The following PLD5 variants were observed in gnomAD, a reference collection of about 807,000 sequenced individuals.
PLD5 encodes phospholipase D family member 5.
A neutral mutation model predicts 61.1 loss-of-function variants in PLD5; 36 were observed. That is an observed-to-expected ratio of 0.59 (90% CI 0.45 to 0.78). The LOEUF (loss-of-function observed/expected upper bound fraction) is 0.78. Ranked by LOEUF, PLD5 falls within the 30% of genes least tolerant of loss-of-function variation. PLD5 has a pLI of 0.00. For missense variants in PLD5, 515 were observed against 644.4 expected (o/e 0.80, Z 2.17); for synonymous variants, 243 against 242.8 (o/e 1.00, Z -0.01).
At chr1:242,204,685 C>T (rs948711860) in intron 5 of PLD5, among the ~76,000 whole-genome samples, 3 of 152,180 alleles carry the variant, frequency 2.0e-5, no homozygotes, top group African/African-American at 7.2e-5. Flanking sequence ...CTGTTTTAGC[C>T]TCCCATTTGG....
intron 2 of PLD5, among the ~76,000 whole-genome samples, chr1:242,306,780 CA>C (rs1378871955): frequency 1.2e-4 from 4 of 33,924 alleles, no homozygotes; most frequent in African/African-American, 3.2e-4. Context: ...CACACACACA[CA>C]CACACACACA....
chr1:242,413,805 T>C (rs1280925701), intron 1 of PLD5, among the ~76,000 whole-genome samples: 1 of 152,146 alleles, frequency 6.6e-6, no homozygotes, highest in African/African-American at 2.4e-5. Context: ...CTGAAGCAGT[T>C]TGGAGCCTTG....
At chr1:242,309,527 T>A (rs1340308941) in intron 2 of PLD5, among the ~76,000 whole-genome samples, 1 of 151,584 alleles carries the variant, frequency 6.6e-6, no homozygotes, top group African/African-American at 2.4e-5. Context: ...GTGCATGCCA[T>A]CACGCCCAGC....
intron 1 of PLD5, among the ~76,000 whole-genome samples, chr1:242,425,996 C>T (rs1211060752): frequency 6.6e-6 from 1 of 152,104 alleles, no homozygotes; most frequent in African/African-American, 2.4e-5. Context: ...AACTTTGACT[C>T]TTGTATTAAC....
intron 4 of PLD5, among the ~76,000 whole-genome samples, chr1:242,231,847 T>A (rs1671323558): frequency 6.8e-6 from 1 of 147,398 alleles, no homozygotes; most frequent in Admixed American, 6.9e-5. Context: ...TTGAAATGAC[T>A]AAAAAACTAA....
chr1:242,167,118 ATAG>A (rs1558297313), intron 5 of PLD5, among the ~76,000 whole-genome samples: 4 of 145,650 alleles, frequency 2.7e-5, no homozygotes, highest in Non-Finnish European at 4.5e-5. Flanking sequence ...ATAATAATAA[ATAG>A]TAGCCATGTT....
chr1:242,446,963 C>T (rs1666568042), intron 1 of PLD5, among the ~76,000 whole-genome samples: 1 of 152,100 alleles, frequency 6.6e-6, no homozygotes, highest in African/African-American at 2.4e-5. Context: ...AGCTGTGTGC[C>T]CTTCAGAAAG....
intron 2 of PLD5, among the ~76,000 whole-genome samples, chr1:242,294,353 C>G (rs1467250688): frequency 6.6e-6 from 1 of 152,158 alleles, no homozygotes; most frequent in Non-Finnish European, 1.5e-5. Context: ...ATTCTCCAAA[C>G]TTAATGTGAT....
intron 2 of PLD5, among the ~76,000 whole-genome samples, chr1:242,315,793 T>A (rs771152270): frequency 1.3e-5 from 2 of 152,164 alleles, no homozygotes; most frequent in African/African-American, 2.4e-5. Context: ...CTCTGCTGCA[T>A]TCTGGTTGGG....
chr1:242,395,219 A>G lies in PLD5; in HGVS notation c.190-46977T>C, dbSNP rs191983796. ...TATAGAAATCAAAATTCATTTTTAA[A>G]GTTTTACTTCATAGGCAGCAAGTAG... On this transcript the variant is annotated intron_variant, in intron 1 of 9. Transcript: ENST00000536534. Among the ~76,000 whole-genome samples the G allele has an allele frequency of 9.2e-5, 14 of 151,980 alleles. No individual in the cohort carries two copies. The East Asian group carries it at 2.5e-3, about 27-fold the overall frequency.
At chr1:242,227,325 T>C (rs928383626) in intron 4 of PLD5, among the ~76,000 whole-genome samples, 10 of 151,934 alleles carry the variant, frequency 6.6e-5, no homozygotes, top group African/African-American at 2.4e-4. Flanking sequence ...GCTGGGACTA[T>C]AGGCATAAGC....
chr1:242,272,068 A>C (rs1674122497), intron 3 of PLD5, among the ~76,000 whole-genome samples: 1 of 152,200 alleles, frequency 6.6e-6, no homozygotes, highest in African/African-American at 2.4e-5. Flanking sequence ...GATAATAATA[A>C]AAAACAGGTT....
chr1:242,293,424 G>A (rs951744647), intron 2 of PLD5, among the ~76,000 whole-genome samples: 4 of 152,134 alleles, frequency 2.6e-5, no homozygotes, highest in African/African-American at 9.7e-5. Flanking sequence ...GAGAGACCAC[G>A]TTCACATAAC....
At chr1:242,207,068 T>C (rs1403985029) in intron 5 of PLD5, among the ~76,000 whole-genome samples, 1 of 152,148 alleles carries the variant, frequency 6.6e-6, no homozygotes, top group Non-Finnish European at 1.5e-5. Context: ...TCCACTTCAA[T>C]TGATTGGATG....
intron 5 of PLD5, among the ~76,000 whole-genome samples, chr1:242,154,994 A>G (rs535407456): frequency 6.6e-6 from 1 of 152,270 alleles, no homozygotes; most frequent in South Asian, 2.1e-4. Context: ...TTTGGTGGGT[A>G]GGCTATTAAT....
chr1:242,475,417 C>A, intron 1 of PLD5, among the ~76,000 whole-genome samples: 1 of 99,302 alleles, frequency 1.0e-5, no homozygotes, highest in Non-Finnish European at 1.9e-5. Context: ...AGCGAGACTC[C>A]GTCTCAAAAA....
At chr1:242,273,615 G>A (rs1674240189) in intron 3 of PLD5, among the ~76,000 whole-genome samples, 1 of 152,172 alleles carries the variant, frequency 6.6e-6, no homozygotes, top group Non-Finnish European at 1.5e-5. Context: ...CAAAGATAGT[G>A]CATCTGAATC....
At chr1:242,472,971 C>T (rs1202225149) in intron 1 of PLD5, among the ~76,000 whole-genome samples, 1 of 151,808 alleles carries the variant, frequency 6.6e-6, no homozygotes, top group African/African-American at 2.4e-5. Context: ...TTCTTAATCT[C>T]CAAATACCTT....
chr1:242,156,910 G>T (rs1409034750), intron 5 of PLD5, among the ~76,000 whole-genome samples: 1 of 152,122 alleles, frequency 6.6e-6, no homozygotes, highest in Non-Finnish European at 1.5e-5. Flanking sequence ...GTCTTGCTAG[G>T]CTGGGGAAGT....
Sources: allele counts gnomAD v4.1 joint callset (sites outside exome capture counted in the v4.1 genomes callset), GRCh38; gene constraint gnomAD v4.1.1; transcripts MANE v1.5; gene names NCBI Gene and HGNC (gene_info 2026-07-23, HGNC 2026-07-21).